Variants in PCBP3 observed in about 807,000 individuals in gnomAD.
PCBP3 encodes the protein poly(rC)-binding protein 3.
Under a neutral mutation model 52.7 loss-of-function variants are expected in PCBP3, and 25 were observed. The ratio of observed to expected loss-of-function variants is 0.47; its 90% CI spans 0.35 to 0.66. PCBP3 has a LOEUF of 0.66. PCBP3 is among the 30% of genes least tolerant of loss of function. The probability of loss-of-function intolerance (pLI) is 0.01; values close to 1 mark genes in which losing one functional copy is unlikely to be tolerated. For synonymous variants in PCBP3, 162 were observed against 183.0 expected, an observed-to-expected ratio of 0.89 and a Z score of 0.93; for missense variants, 391 against 490.3, an observed-to-expected ratio of 0.80 and a Z score of 1.91.
chr21:45,801,894 C>T (rs957265564), intron 4 of PCBP3, among the ~76,000 whole-genome samples: 1 of 152,220 alleles, frequency 6.6e-6, no homozygotes, highest in Non-Finnish European at 1.5e-5. Context: ...ATGATCTACT[C>T]AGTTTAATCA....
At position 45,910,952 on chromosome 21, in the gene PCBP3, G is replaced by C; in HGVS notation, c.522G>C (p.Thr174=). 1 of 1,611,976 alleles carries C rather than the reference G, an allele frequency of 6.2e-7. No individual in the cohort carries two copies. The highest frequency in any genetic ancestry group is 1.1e-5 in the South Asian group (1 of 91,070). The change falls in exon 11 of 18, where the codon ACG becomes ACC. Residue 174 remains threonine (T), a synonymous_variant. Coordinates refer to ENST00000681687, the MANE Select transcript of PCBP3 (RefSeq NM_001384156.1). ...CTGGGGACATGCTGCCCAACTCCAC[G>C]GAGCGAGCGGTGACCATCTCGGGGA... The part of the protein sequence containing the change: ...QVAGDMLPNS[T]ERAVTISGTP...
chr21:45,714,201 G>A (rs538848150), intron 2 of PCBP3, among the ~76,000 whole-genome samples: 1 of 152,286 alleles, frequency 6.6e-6, no homozygotes, highest in South Asian at 2.1e-4. Flanking sequence ...GTGCTCTGAT[G>A]ACTCTTGCTC....
chr21:45,867,770 G>A (rs1569373486), intron 5 of PCBP3, among the ~76,000 whole-genome samples: 1 of 152,274 alleles, frequency 6.6e-6, no homozygotes, highest in Non-Finnish European at 1.5e-5. Context: ...CGCCCTCCTG[G>A]ACGCAGCGTC....
chr21:45,677,228 C>G (rs1401115872), intron 2 of PCBP3, among the ~76,000 whole-genome samples: 3 of 152,144 alleles, frequency 2.0e-5, no homozygotes, highest in Non-Finnish European at 4.4e-5. Context: ...AGTGAACACA[C>G]AAAGGATAAG....
At chr21:45,824,830 C>T (rs539255051) in intron 4 of PCBP3, among the ~76,000 whole-genome samples, 1 of 152,292 alleles carries the variant, frequency 6.6e-6, no homozygotes, top group South Asian at 2.1e-4. Context: ...CTGCATCTGG[C>T]GGGGGCTGCA....
chr21:45,779,000 C>G (rs957187755), intron 4 of PCBP3, among the ~76,000 whole-genome samples: 2 of 152,212 alleles, frequency 1.3e-5, no homozygotes, highest in Non-Finnish European at 2.9e-5. Flanking sequence ...GCTTGCCCCC[C>G]AGCCCTGGTG....
chr21:45,866,324 A>C (rs1039781124), intron 5 of PCBP3, among the ~76,000 whole-genome samples: 2 of 152,204 alleles, frequency 1.3e-5, no homozygotes, highest in African/African-American at 4.8e-5. Context: ...CCTGTGGCCC[A>C]GTGACAGGAA....
At chr21:45,862,196 G>T in intron 5 of PCBP3, among the ~76,000 whole-genome samples, 1 of 132,918 alleles carries the variant, frequency 7.5e-6, no homozygotes, top group Non-Finnish European at 1.6e-5. Context: ...CGGGTGGGGG[G>T]ACACGTACAT....
intron 5 of PCBP3, among the ~76,000 whole-genome samples, chr21:45,888,897 G>A (rs2095586072): frequency 6.6e-6 from 1 of 152,114 alleles, no homozygotes; most frequent in Non-Finnish European, 1.5e-5. Context: ...CACATGGACA[G>A]TATCTACATG....
rs1485207756 is a variant in PCBP3 at position 45,788,073 on chromosome 21, A to G, written c.-126+32621A>G. On this transcript the variant is annotated intron_variant, in intron 4 of 17. Coordinates refer to ENST00000681687, the MANE Select transcript of PCBP3 (RefSeq NM_001384156.1). This position sits in a 1 kb window ranked among gnomAD's most constrained non-coding sequence, Gnocchi z 4.3. ...GAGTTGACAGGAGGGCATAGCCAGG[A>G]ACAGCTGGTGTCTCCTTACTGGGAC... 6.6e-6 allele frequency among the ~76,000 whole-genome samples: 1 copy of G among 152,176 alleles called. No homozygotes were observed. Among genetic ancestry groups the G allele is most frequent in the Middle Eastern group, 3.2e-3 (1 of 316 alleles).
At chr21:45,804,508 G>A (rs2092425745) in intron 4 of PCBP3, among the ~76,000 whole-genome samples, 1 of 152,122 alleles carries the variant, frequency 6.6e-6, no homozygotes, top group Non-Finnish European at 1.5e-5. Context: ...AGTCTTGGGG[G>A]AGATGTTTGG....
At chr21:45,819,014 G>A (rs2093048506) in intron 4 of PCBP3, among the ~76,000 whole-genome samples, 1 of 152,228 alleles carries the variant, frequency 6.6e-6, no homozygotes, top group Non-Finnish European at 1.5e-5. Context: ...GCGGAGAGAT[G>A]GATGTGTAGG....
At chr21:45,648,488 A>G (rs1430217546) in intron 1 of PCBP3, among the ~76,000 whole-genome samples, 1 of 152,132 alleles carries the variant, frequency 6.6e-6, no homozygotes, top group African/African-American at 2.4e-5. Context: ...ACCACTCCCA[A>G]TTGCCGTGTC....
At chr21:45,723,756 G>A (rs1037363155) in intron 2 of PCBP3, among the ~76,000 whole-genome samples, 1 of 152,204 alleles carries the variant, frequency 6.6e-6, no homozygotes, top group South Asian at 2.1e-4. Flanking sequence ...GCCCGGGGTC[G>A]AGCTCAGGGT....
intron 4 of PCBP3, among the ~76,000 whole-genome samples, chr21:45,779,234 A>G (rs1603419565): frequency 6.6e-6 from 1 of 152,338 alleles, no homozygotes; most frequent in East Asian, 1.9e-4. Context: ...CCCTCCCTGA[A>G]GCAGCTCTGT....
chr21:45,841,569 G>A (rs960581670), intron 4 of PCBP3, among the ~76,000 whole-genome samples: 5 of 152,174 alleles, frequency 3.3e-5, no homozygotes, highest in Middle Eastern at 3.4e-3. Context: ...CACATATTAC[G>A]CTATGAGTTT....
At chr21:45,723,925 GGTGGATTCT>G (rs2148360961) in intron 2 of PCBP3, among the ~76,000 whole-genome samples, 1 of 152,116 alleles carries the variant, frequency 6.6e-6, no homozygotes, top group African/African-American at 2.4e-5. Flanking sequence ...GGTGATTACT[GGTGGATTCT>G]GTGATAGGAA....
chr21:45,780,828 C>T (rs1170579954), intron 4 of PCBP3, among the ~76,000 whole-genome samples: 1 of 152,178 alleles, frequency 6.6e-6, no homozygotes, highest in East Asian at 1.9e-4. Flanking sequence ...GATGCGCCAA[C>T]ACTTTTATTG....
chr21:45,663,204 G>C (rs1326997767), intron 1 of PCBP3, among the ~76,000 whole-genome samples: 1 of 152,010 alleles, frequency 6.6e-6, no homozygotes, highest in Non-Finnish European at 1.5e-5. Flanking sequence ...GCCAAACAGG[G>C]AAGGGCCCCC....
Sources: gnomAD v4.1 joint callset for allele counts (sites outside exome capture counted in the v4.1 genomes callset) on GRCh38, gnomAD v4.1.1 for gene constraint, Gnocchi (gnomAD v3.1) non-coding constraint, MANE v1.5 for transcripts, NCBI Gene and HGNC (gene_info 2026-07-23, HGNC 2026-07-21) for gene names.